The following ANK3 variants were observed in gnomAD, a reference collection of about 807,000 sequenced individuals.
The protein encoded by ANK3 is ankyrin 3, also known as ankyrin-3.
ANK3 carries 57 observed loss-of-function variants against 370.9 expected under a neutral mutation model. That is an observed-to-expected ratio of 0.15 (90% confidence interval 0.12 to 0.19). The LOEUF (loss-of-function observed/expected upper bound fraction) is 0.19, where lower values mean the gene tolerates loss of function less well. Among genes scored for constraint, ANK3 ranks in the 10% least tolerant of loss-of-function variants. The probability of loss-of-function intolerance (pLI) is 1.00; values close to 1 mark genes in which losing one functional copy is unlikely to be tolerated. For missense variants in ANK3, 4,439 were observed against 5,302.1 expected, an observed-to-expected ratio of 0.84 and a Z score of 5.06; for synonymous variants, 1,929 against 1,946.3, an observed-to-expected ratio of 0.99 and a Z score of 0.23.
At chr10:60,232,534 A>T (rs574738328) in intron 8 of ANK3, among the ~76,000 whole-genome samples, 3 of 152,298 alleles carry the variant, frequency 2.0e-5, no homozygotes, top group African/African-American at 7.2e-5. Context: ...TACTGGAATG[A>T]TGCAAAATCA....
At chr10:60,197,295 A>G (rs1304218978) in intron 14 of ANK3, among the ~76,000 whole-genome samples, 2 of 152,168 alleles carry the variant, frequency 1.3e-5, no homozygotes, top group African/African-American at 4.8e-5. Context: ...CAACACTTGG[A>G]TATTAATAGC....
chr10:60,682,238 C>G (rs1165761050), intron 1 of ANK3, among the ~76,000 whole-genome samples: 1 of 152,178 alleles, frequency 6.6e-6, no homozygotes, highest in Non-Finnish European at 1.5e-5. Flanking sequence ...AGGTCAAAGT[C>G]ACACAACCAG....
chr10:60,281,697 T>G (rs982591586), intron 1 of ANK3, among the ~76,000 whole-genome samples: 11 of 152,244 alleles, frequency 7.2e-5, no homozygotes, highest in Non-Finnish European at 1.5e-4. Flanking sequence ...ATTAAAGTAT[T>G]GCCTGGAATA....
At position 60,190,327 on chromosome 10, in the gene ANK3, C is replaced by A. The variant is rs537161677; in HGVS notation, c.1888-3415G>T. ...TATTGAGGCTCTGTACCTTATCTCT[C>A]ACCACTGCCGGAATTCAGGAATGCC... On this transcript the variant is annotated intron_variant, in intron 16 of 43. Transcript: ENST00000280772. Among the ~76,000 whole-genome samples, 52 of 152,280 alleles carry A rather than the reference C, an allele frequency of 3.4e-4. 1 individual carries two copies. The South Asian group carries it at 0.01, about 30-fold the overall frequency.
In ANK3 at chr10:60,528,201, A is replaced by G. The variant is rs11591668; in HGVS notation, c.96+86985T>C. Among the ~76,000 whole-genome samples the G allele has an allele frequency of 3.6e-3, 505 of 141,824 alleles. 5 individuals carry two copies. The highest frequency in any genetic ancestry group is 5.8e-3 in the Non-Finnish European group (389 of 66,598). The allele number at this position is 141,824 out of a possible 152,430, so 93.0% of individuals were successfully genotyped here. A position where few individuals can be genotyped will look rare whatever the true frequency, so the allele number is the denominator to read the frequency against. Reference sequence around the variant, plus strand: ...GCCCAGGCTGGATTGTAATGGTGCAATCTCGACTCACCACAACATCTACCT... The same window carrying G: ...GCCCAGGCTGGATTGTAATGGTGCAGTCTCGACTCACCACAACATCTACCT... On this transcript the variant is annotated intron_variant, in intron 2 of 43. Transcript: ENST00000373827.
At chr10:60,264,143 C>A (rs1426764886) in intron 5 of ANK3, 123 bp from the exon 6 acceptor site, 22 of 757,446 alleles carry the variant, frequency 2.9e-5, no homozygotes, top group Non-Finnish European at 1.6e-5. Flanking sequence ...TTAAAACTAA[C>A]AACATATTTG....
At chr10:60,437,543 G>A (rs1042756834) in intron 2 of ANK3, among the ~76,000 whole-genome samples, 3 of 152,122 alleles carry the variant, frequency 2.0e-5, no homozygotes, top group African/African-American at 7.2e-5. Flanking sequence ...CACTGAAGAG[G>A]GACTTAATAA....
chr10:60,139,093 G>C lies in ANK3; in HGVS notation c.2615-6C>G, dbSNP rs2094462798. ...CCCGGTCATTGCATCTTCACCTGCA[G>C]ATGTAGAGAGTAAGCCCACATCAAA... On this transcript the variant is annotated splice_polypyrimidine_tract_variant and splice_region_variant and intron_variant, in intron 23 of 43. Transcript: ENST00000280772. 6.2e-7 allele frequency: 1 copy of C among 1,613,054 alleles called. No homozygotes were observed. The highest frequency in any genetic ancestry group is 1.7e-5 in the Admixed American group (1 of 59,856).
At chr10:60,087,926 C>A (rs1054521118) in intron 29 of ANK3, among the ~76,000 whole-genome samples, 1 of 152,172 alleles carries the variant, frequency 6.6e-6, no homozygotes. Flanking sequence ...CAGAAACCAA[C>A]TGAGACTTTT....
intron 43 of ANK3, among the ~76,000 whole-genome samples, chr10:60,036,194 C>G (rs959162622): frequency 1.3e-5 from 2 of 152,096 alleles, no homozygotes; most frequent in Non-Finnish European, 2.9e-5. Flanking sequence ...GAAGTGTAAA[C>G]CACCATCACA....
chr10:60,459,629 T>C (rs888560775), intron 2 of ANK3, among the ~76,000 whole-genome samples: 2 of 152,168 alleles, frequency 1.3e-5, no homozygotes, highest in African/African-American at 4.8e-5. Context: ...CTTTAATTAA[T>C]GATGCCTGCT....
chr10:60,466,548 T>C (rs1363049026), intron 2 of ANK3, among the ~76,000 whole-genome samples: 1 of 152,174 alleles, frequency 6.6e-6, no homozygotes, highest in Admixed American at 6.6e-5. Context: ...CTATTTGACC[T>C]AGCCATTCCA....
At chr10:60,689,606 G>A (rs1249135972) in intron 1 of ANK3, among the ~76,000 whole-genome samples, 1 of 151,922 alleles carries the variant, frequency 6.6e-6, no homozygotes, top group African/African-American at 2.4e-5. Flanking sequence ...ACAAAAATTA[G>A]CTGGGCATGG....
Position 60,042,713 on chromosome 10 carries a change from A to C in ANK3, c.13112T>G (p.Val4371Gly). The change falls in exon 43 of 44, where the codon GTG becomes GGG. Residue 4371 changes from valine to glycine, a missense_variant. Transcript: ENST00000280772. ...KVKTKKEIRH[V>G]EKKSHS The stretch of plus-strand genomic sequence containing the variant: ...CTGTTACGAGTGGCTCTTCTTTTCC[A>C]CATGCCGGATTTCTTTCTTCGTTTT... 5 of 1,613,888 alleles carry C rather than the reference A, an allele frequency of 3.1e-6. No individual in the cohort carries two copies. Among genetic ancestry groups the C allele is most frequent in the Non-Finnish European group, 4.2e-6 (5 of 1,179,976 alleles).
At chr10:60,217,511 A>G (rs938869598) in intron 8 of ANK3, among the ~76,000 whole-genome samples, 1 of 152,052 alleles carries the variant, frequency 6.6e-6, no homozygotes, top group African/African-American at 2.4e-5. Flanking sequence ...TAATGTCATA[A>G]TGTTTACCCA....
At chr10:60,523,850 T>A (rs1045755997) in intron 2 of ANK3, among the ~76,000 whole-genome samples, 1 of 152,072 alleles carries the variant, frequency 6.6e-6, no homozygotes, top group African/African-American at 2.4e-5. Context: ...GTCACTACCA[T>A]TAAAAAATAA....
chr10:60,164,493 A>G (rs1288130292), intron 23 of ANK3, among the ~76,000 whole-genome samples: 2 of 109,486 alleles, frequency 1.8e-5, no homozygotes, highest in East Asian at 3.5e-4. Context: ...GATATACCTG[A>G]AAAAAAAAAA....
chr10:60,079,168 C>CA (rs2084517436), intron 36 of ANK3, among the ~76,000 whole-genome samples: 1 of 132,788 alleles, frequency 7.5e-6, no homozygotes, highest in South Asian at 2.6e-4. Context: ...CACCTAGCTA[C>CA]CTAGCTACAC....
chr10:60,069,405 C>A lies in ANK3; in HGVS notation c.11476G>T (p.Val3826Phe). Reference sequence around the variant, plus strand: ...ACCCCTGTCTTTTTTCCTGATGAGACTTTCACTGGGTTATCTTTCTCTGTG... The same window carrying A: ...ACCCCTGTCTTTTTTCCTGATGAGAATTTCACTGGGTTATCTTTCTCTGTG... ...CTTEKDNPVK[V>F]SSGKKTGVLQ... Residue 3826 changes from valine (V) to phenylalanine (F), a missense_variant, in exon 37 of 44, where the codon GTC becomes TTC. By Grantham distance (50) the Val-to-Phe change is conservative. Around this residue, in one of 13 missense-constraint regions of ANK3, gnomAD observed 496 missense variants for 529.3 expected, o/e 0.94. Transcript: ENST00000280772. 1.2e-6 allele frequency: 2 copies of A among 1,613,814 alleles called. No homozygotes were observed. Among genetic ancestry groups the A allele is most frequent in the Non-Finnish European group, 1.7e-6 (2 of 1,179,942 alleles).
Sources: gnomAD v4.1 joint callset for allele counts (sites outside exome capture counted in the v4.1 genomes callset) on GRCh38, gnomAD v4.1.1 for gene constraint, gnomAD v4.1.1 regional missense constraint, MANE v1.5 for transcripts, NCBI Gene and HGNC (gene_info 2026-07-23, HGNC 2026-07-21) for gene names.